Variants in CACNG6 observed in about 807,000 individuals in gnomAD.
The protein encoded by CACNG6 is calcium voltage-gated channel auxiliary subunit gamma 6, also known as voltage-dependent calcium channel gamma-6 subunit.
In CACNG6, 21 loss-of-function variants were observed where a neutral mutation model predicts 23.9. That is an observed-to-expected ratio of 0.88 (90% CI 0.62 to 1.26). The LOEUF (loss-of-function observed/expected upper bound fraction) is 1.26. Ranked by LOEUF, CACNG6 falls within the 50% of genes most tolerant of loss-of-function variation. The pLI is 0.00. For missense variants in CACNG6, 340 were observed against 352.9 expected (o/e 0.96, Z 0.29); for synonymous variants, 182 against 168.9 (o/e 1.08, Z -0.60).
intron 3 of CACNG6, among the ~76,000 whole-genome samples, chr19:54,010,751 A>AT (rs1057295522): frequency 1.1e-4 from 16 of 146,236 alleles, no homozygotes; most frequent in East Asian, 4.1e-4. Flanking sequence ...ATTTTTTAAA[A>AT]TTTTTTTTTT....
At chr19:53,994,705 C>T (rs2069503556) in intron 1 of CACNG6, among the ~76,000 whole-genome samples, 1 of 152,178 alleles carries the variant, frequency 6.6e-6, no homozygotes, top group South Asian at 2.1e-4. Flanking sequence ...CCTCGTCCCT[C>T]ACTTCTCCAG....
intron 3 of CACNG6, among the ~76,000 whole-genome samples, chr19:54,006,586 G>C (rs2069649666): frequency 7.1e-6 from 1 of 141,030 alleles, no homozygotes. Flanking sequence ...TTGGAGTGCA[G>C]TGGTGTGATC....
intron 2 of CACNG6, among the ~76,000 whole-genome samples, chr19:53,998,960 G>A (rs2069548938): frequency 6.6e-6 from 1 of 152,156 alleles, no homozygotes; most frequent in Admixed American, 6.5e-5. Flanking sequence ...CCATCTGTAA[G>A]ATCTCCAGTC....
In CACNG6 at chr19:54,011,946, C is replaced by A; in HGVS notation, c.545-5C>A. 6.7e-7 allele frequency: 1 copy of A among 1,495,168 alleles called. No homozygotes were observed. Among genetic ancestry groups the A allele is most frequent in the Non-Finnish European group, 8.9e-7 (1 of 1,122,032 alleles). 92.6% of individuals were successfully genotyped at this position (1,495,168 alleles called of 1,614,324 possible). A position where few individuals can be genotyped will look rare whatever the true frequency, so the allele number is the denominator to read the frequency against. On this transcript the variant is annotated splice_region_variant and splice_polypyrimidine_tract_variant and intron_variant, in intron 3 of 3. Transcript: ENST00000252729. ...TCTGACTGCGAGCTGTCCTCTCTCC[C>A]GCAGGCCTGCTGCTCTTGGTGAGCC...
At chr19:53,993,672 G>A (rs897409501) in intron 1 of CACNG6, among the ~76,000 whole-genome samples, 5 of 146,218 alleles carry the variant, frequency 3.4e-5, no homozygotes, top group South Asian at 2.2e-4. Context: ...ACCCCCAGAT[G>A]AGCCTGTGTC....
intron 1 of CACNG6, among the ~76,000 whole-genome samples, chr19:53,994,035 C>T (rs1362439913): frequency 6.6e-6 from 1 of 152,000 alleles, no homozygotes; most frequent in Non-Finnish European, 1.5e-5. Flanking sequence ...TGCCTGTGCC[C>T]TGGAGACAGC....
rs74578896 is a variant in CACNG6, at chr19:53,992,337, C to A, written c.-541C>A. The A allele has an allele frequency of 9.5e-3, 1,445 of 152,464 alleles. 25 individuals are homozygous for A. Among genetic ancestry groups the A allele is most frequent in the African/African-American group, 0.033 (1,370 of 41,566 alleles). The allele number at this position is 152,464 out of a possible 1,614,324, so 9.4% of individuals were successfully genotyped here. On this transcript the variant is annotated 5_prime_UTR_variant, in exon 1 of 4. Transcript: ENST00000252729. The surrounding 1 kb of genome is among the most constrained non-coding windows in gnomAD (Gnocchi z 4.1). ...GAGCCCAAGGGAACCCCGGCCACATCTCCTCCAAACACACACAGGACCTCA... is the reference window on the plus strand; with the variant it reads ...GAGCCCAAGGGAACCCCGGCCACATATCCTCCAAACACACACAGGACCTCA...
intron 3 of CACNG6, among the ~76,000 whole-genome samples, chr19:54,011,190 T>TAAAAAA (rs142489178): frequency 8.4e-5 from 5 of 59,208 alleles, no homozygotes; most frequent in African/African-American, 3.8e-4. Context: ...CCGTCTCTAC[T>TAAAAAA]AAAAAAAAAA....
At position 53,999,677 on chromosome 19, in the gene CACNG6, A is replaced by G. The variant is rs1272259115; in HGVS notation, c.450A>G (p.Ala150=). 4 of 1,614,032 alleles carry G rather than the reference A, an allele frequency of 2.5e-6. No individual in the cohort carries two copies. The highest frequency in any genetic ancestry group is 1.7e-5 in the Admixed American group (1 of 60,018). Residue 150 remains alanine (A), a synonymous_variant, in exon 3 of 4, where the codon GCA becomes GCG. Transcript: ENST00000252729. ...CGGTGATAGCAGTGCTGGGCCTGGC[A>G]GTCATGGCCTTGGGGTGCCTCTGTA... ...AAAVIAVLGL[A]VMALGCLCII...
intron 1 of CACNG6, among the ~76,000 whole-genome samples, chr19:53,996,863 A>AT (rs35192974): frequency 0.036 from 3,538 of 98,538 alleles, 154 homozygotes; most frequent in African/African-American, 0.068. Flanking sequence ...GATCTTTGGG[A>AT]TTTTTTTTTT....
chr19:54,006,517 C>CTTTTTTTTTTTTT (rs1236056716), intron 3 of CACNG6, among the ~76,000 whole-genome samples: 17 of 107,330 alleles, frequency 1.6e-4, no homozygotes, highest in African/African-American at 3.0e-4. Context: ...TTCCTTCTTT[C>CTTTTTTTTTTTTT]TTTTCTTTTT....
At chr19:54,008,583 C>T (rs1360841199) in intron 3 of CACNG6, among the ~76,000 whole-genome samples, 1 of 152,220 alleles carries the variant, frequency 6.6e-6, no homozygotes, top group African/African-American at 2.4e-5. Context: ...CCCAACTCTC[C>T]TTGCTCCCAC....
In CACNG6 at chr19:53,999,656, G is replaced by A; in HGVS notation, c.429G>A (p.Val143=). 2 of 1,613,900 alleles carry A rather than the reference G, an allele frequency of 1.2e-6. No homozygotes were observed. Among genetic ancestry groups the A allele is most frequent in the Non-Finnish European group, 1.7e-6 (2 of 1,180,006 alleles). Residue 143 remains valine (V), a synonymous_variant, in exon 3 of 4, where the codon GTG becomes GTA. Coordinates refer to ENST00000252729, the MANE Select transcript of CACNG6 (RefSeq NM_145814.2). ...CAGAGGTGAATCTGGCAGCTGCGGT[G>A]ATAGCAGTGCTGGGCCTGGCAGTCA... ...TKKEVNLAAA[V]IAVLGLAVMA...
In CACNG6 at chr19:54,012,227, C is replaced by T. The variant is rs771648024; in HGVS notation, c.*38C>T. ...GACTTCTCTAAGCAACCACCGAGCC[C>T]TTTGACCTTCTCCATTGTACCCCCA... On this transcript the variant is annotated 3_prime_UTR_variant, in exon 4 of 4. Transcript: ENST00000252729. The T allele has an allele frequency of 1.1e-6, 1 of 917,154 alleles. No individual in the cohort carries two copies. The highest frequency in any genetic ancestry group is 2.9e-5 in the East Asian group (1 of 34,482). The allele number at this position is 917,154 out of a possible 1,614,324, so 56.8% of individuals were successfully genotyped here.
At chr19:54,007,980 G>A (rs1324357130) in intron 3 of CACNG6, among the ~76,000 whole-genome samples, 9 of 152,000 alleles carry the variant, frequency 5.9e-5, no homozygotes, top group Non-Finnish European at 1.2e-4. Flanking sequence ...TCCACCTCCC[G>A]TTCTGTAATG....
chr19:54,004,165 CTT>C, intron 3 of CACNG6, among the ~76,000 whole-genome samples: 1 of 146,550 alleles, frequency 6.8e-6, no homozygotes, highest in South Asian at 2.2e-4. Flanking sequence ...CCAAGTGATA[CTT>C]TTTTTTTTTT....
At chr19:53,997,095 C>G (rs2069528124) in intron 1 of CACNG6, among the ~76,000 whole-genome samples, 1 of 151,990 alleles carries the variant, frequency 6.6e-6, no homozygotes, top group African/African-American at 2.4e-5. Context: ...GTCTCAAACT[C>G]CTGAGCTCAA....
At chr19:54,006,683 G>A (rs1419255372) in intron 3 of CACNG6, among the ~76,000 whole-genome samples, 13 of 149,914 alleles carry the variant, frequency 8.7e-5, no homozygotes, top group South Asian at 2.1e-4. Context: ...ACAGGCACCC[G>A]CCATGACACC....
At chr19:53,995,879 C>CT (rs1173692602) in intron 1 of CACNG6, among the ~76,000 whole-genome samples, 3 of 152,186 alleles carry the variant, frequency 2.0e-5, no homozygotes, top group African/African-American at 7.2e-5. Flanking sequence ...CGAGGCTGGT[C>CT]TCAAACTCCT....
Sources: gnomAD v4.1 joint callset for allele counts (sites outside exome capture counted in the v4.1 genomes callset) on GRCh38, gnomAD v4.1.1 for gene constraint, Gnocchi (gnomAD v3.1) non-coding constraint, MANE v1.5 for transcripts, NCBI Gene and HGNC (gene_info 2026-07-23, HGNC 2026-07-21) for gene names.